Variants in PCSK5 observed in about 807,000 individuals in gnomAD.
The protein encoded by PCSK5 is proprotein convertase subtilisin/kexin type 5.
A neutral mutation model predicts 233.2 loss-of-function variants in PCSK5; 129 were observed. That is an observed-to-expected ratio of 0.55 (90% CI 0.48 to 0.64). PCSK5 has a LOEUF of 0.64. PCSK5 is among the 30% of genes least tolerant of loss of function. PCSK5 has a pLI of 0.00. For synonymous variants in PCSK5, 825 were observed against 879.2 expected, an observed-to-expected ratio of 0.94 and a Z score of 1.09; for missense variants, 2,076 against 2,430.1, an observed-to-expected ratio of 0.85 and a Z score of 3.06.
intron 1 of PCSK5, among the ~76,000 whole-genome samples, chr9:75,892,163 C>A (rs1825638899): frequency 6.6e-6 from 1 of 152,178 alleles, no homozygotes; most frequent in South Asian, 2.1e-4. Flanking sequence ...GAGAGTTGGG[C>A]AGGCAGCAGG....
At chr9:76,158,566 T>G (rs1188522737) in intron 11 of PCSK5, among the ~76,000 whole-genome samples, 1 of 152,208 alleles carries the variant, frequency 6.6e-6, no homozygotes, top group Non-Finnish European at 1.5e-5. Flanking sequence ...TCCCCAAGCC[T>G]CCACTGTACC....
chr9:76,290,813 T>C (rs978397554), intron 24 of PCSK5, among the ~76,000 whole-genome samples: 1 of 152,170 alleles, frequency 6.6e-6, no homozygotes, highest in African/African-American at 2.4e-5. Context: ...TACATACAAA[T>C]AGATGGCAAG....
intron 27 of PCSK5, among the ~76,000 whole-genome samples, chr9:76,301,213 A>C (rs2131423264): frequency 6.6e-6 from 1 of 150,706 alleles, no homozygotes; most frequent in South Asian, 2.1e-4. Context: ...TGGAGGTTGC[A>C]GTGAGCCGAG....
intron 1 of PCSK5, among the ~76,000 whole-genome samples, chr9:75,932,031 G>A (rs189891839): frequency 1.3e-5 from 2 of 152,262 alleles, no homozygotes; most frequent in Admixed American, 1.3e-4. Context: ...ATAGCTATTT[G>A]ATTTTCCCCC....
At chr9:76,216,130 A>G (rs1390692605) in intron 20 of PCSK5, among the ~76,000 whole-genome samples, 1 of 152,026 alleles carries the variant, frequency 6.6e-6, no homozygotes, top group Non-Finnish European at 1.5e-5. Context: ...TGTCCTCTAC[A>G]TGACTCCGCA....
chr9:76,157,300 A>G, intron 11 of PCSK5, 138 bp downstream of exon 11: 1 of 640,444 alleles, frequency 1.6e-6, no homozygotes, highest in Non-Finnish European at 2.8e-6. Flanking sequence ...TGAAATGGTA[A>G]TAGAACGGCT....
chr9:76,284,504 G>A (rs1827992407), intron 24 of PCSK5, among the ~76,000 whole-genome samples: 1 of 148,940 alleles, frequency 6.7e-6, no homozygotes, highest in South Asian at 2.1e-4. Context: ...ATGGAACTGT[G>A]AGTCCATTAA....
intron 9 of PCSK5, among the ~76,000 whole-genome samples, chr9:76,115,653 A>T (rs780486495): frequency 6.6e-6 from 1 of 152,168 alleles, no homozygotes; most frequent in Non-Finnish European, 1.5e-5. Flanking sequence ...GAAAAAGAGA[A>T]GATGACTTTT....
intron 17 of PCSK5, 46 bp from the exon 18 acceptor site, chr9:76,188,532 C>T (rs1187439437): frequency 2.4e-6 from 3 of 1,260,822 alleles, no homozygotes; most frequent in Non-Finnish European, 2.3e-6. Flanking sequence ...TACGTTTTGG[C>T]CTCATCACAA....
intron 5 of PCSK5, 66 bp downstream of exon 5, chr9:76,027,103 AG>A: frequency 5.1e-6 from 5 of 979,212 alleles, no homozygotes; most frequent in Non-Finnish European, 8.0e-6. Flanking sequence ...GCTCATACTG[AG>A]GGAAGTATTT....
chr9:76,213,155 ATCT>A (rs1490039265), intron 20 of PCSK5, among the ~76,000 whole-genome samples: 3 of 152,212 alleles, frequency 2.0e-5, no homozygotes, highest in Non-Finnish European at 4.4e-5. Context: ...TTGGACTCAG[ATCT>A]TCTCTCTTTT....
At chr9:76,253,422 C>T (rs1007936511) in intron 24 of PCSK5, among the ~76,000 whole-genome samples, 7 of 152,012 alleles carry the variant, frequency 4.6e-5, no homozygotes, top group African/African-American at 1.2e-4. Context: ...GCCTCCCTGC[C>T]CCCTCATTGT....
chr9:76,275,030 A>T (rs1046181743), intron 24 of PCSK5, among the ~76,000 whole-genome samples: 14 of 152,234 alleles, frequency 9.2e-5, no homozygotes, highest in South Asian at 8.3e-4. Context: ...GCACCACCCC[A>T]TGCATGAAGG....
intron 20 of PCSK5, among the ~76,000 whole-genome samples, chr9:76,197,604 T>C (rs1460794671): frequency 6.6e-6 from 1 of 152,194 alleles, no homozygotes; most frequent in Non-Finnish European, 1.5e-5. Context: ...CATATTATCA[T>C]TCAGCCTTGC....
chr9:76,073,889 A>T (rs1830558964), intron 7 of PCSK5, among the ~76,000 whole-genome samples: 1 of 152,172 alleles, frequency 6.6e-6, no homozygotes, highest in African/African-American at 2.4e-5. Context: ...GTAAAAAATT[A>T]AAAATATGGT....
At chr9:75,937,701 G>C (rs1449348814) in intron 2 of PCSK5, among the ~76,000 whole-genome samples, 2 of 152,220 alleles carry the variant, frequency 1.3e-5, no homozygotes, top group Non-Finnish European at 2.9e-5. Flanking sequence ...AACATCTGTT[G>C]TTTAGTGTAG....
At chr9:75,956,485 C>G (rs1825099989) in intron 2 of PCSK5, among the ~76,000 whole-genome samples, 1 of 152,170 alleles carries the variant, frequency 6.6e-6, no homozygotes, top group Non-Finnish European at 1.5e-5. Context: ...TCTTCCATGG[C>G]AGCCTCTGGG....
At chr9:76,292,349 G>A in intron 25 of PCSK5, 74 bp downstream of exon 25, 1 of 948,082 alleles carries the variant, frequency 1.1e-6, no homozygotes, top group African/African-American at 1.6e-5. Context: ...CCTCAATCCA[G>A]CGATTAAAGC....
chr9:76,357,769 T>C (rs1830338111), intron 37 of PCSK5, among the ~76,000 whole-genome samples: 1 of 152,218 alleles, frequency 6.6e-6, no homozygotes, highest in African/African-American at 2.4e-5. Context: ...TTCCTCTCGA[T>C]GGACTTTAGT....
Sources: gnomAD v4.1 joint callset for allele counts (sites outside exome capture counted in the v4.1 genomes callset) on GRCh38, gnomAD v4.1.1 for gene constraint, MANE v1.5 for transcripts, NCBI Gene and HGNC (gene_info 2026-07-23, HGNC 2026-07-21) for gene names.